Variants in DPYD observed in about 807,000 individuals in gnomAD.
DPYD encodes dihydropyrimidine dehydrogenase [NADP(+)].
A neutral mutation model predicts 116.2 loss-of-function variants in DPYD; 109 were observed. The observed-to-expected ratio is 0.94, with a 90% CI of 0.80 to 1.10. The LOEUF is 1.10. DPYD is among the 50% of genes least tolerant of loss of function. The pLI, the probability that DPYD is intolerant of heterozygous loss-of-function variation, is 0.00. For missense variants in DPYD, 1,302 were observed against 1,254.5 expected, an observed-to-expected ratio of 1.04 and a Z score of -0.57; for synonymous variants, 440 against 432.0, an observed-to-expected ratio of 1.02 and a Z score of -0.23.
intron 1 of DPYD, among the ~76,000 whole-genome samples, chr1:97,917,746 AG>A (rs1271709065): frequency 6.6e-6 from 1 of 152,196 alleles, no homozygotes; most frequent in Non-Finnish European, 1.5e-5. Flanking sequence ...ATATATCAAA[AG>A]TACTAGTATT....
chr1:97,429,742 G>C (rs1333134652), intron 14 of DPYD, among the ~76,000 whole-genome samples: 1 of 152,008 alleles, frequency 6.6e-6, no homozygotes, highest in African/African-American at 2.4e-5. Context: ...AACGAATTTA[G>C]TCATCATTAA....
intron 13 of DPYD, among the ~76,000 whole-genome samples, chr1:97,502,071 C>CT (rs1679616848): frequency 6.6e-6 from 1 of 151,906 alleles, no homozygotes; most frequent in South Asian, 2.1e-4. Context: ...AAGAATGATC[C>CT]TTTATCGCTT....
chr1:97,756,983 C>CA (rs980228842), intron 3 of DPYD, among the ~76,000 whole-genome samples: 12 of 152,122 alleles, frequency 7.9e-5, no homozygotes, highest in Admixed American at 2.6e-4. Context: ...AACTACCCCC[C>CA]ACTCCTCCTA....
chr1:97,552,161 C>T (rs924225212), intron 11 of DPYD, among the ~76,000 whole-genome samples: 2 of 151,984 alleles, frequency 1.3e-5, no homozygotes, highest in African/African-American at 4.8e-5. Context: ...AAGCCCTGCG[C>T]CTAATTTCAA....
intron 16 of DPYD, among the ~76,000 whole-genome samples, chr1:97,369,274 C>A (rs992003191): frequency 3.3e-5 from 5 of 152,076 alleles, no homozygotes; most frequent in Non-Finnish European, 7.4e-5. Flanking sequence ...TGCTAATACA[C>A]CAGAGAAGCA....
At chr1:97,748,526 T>C (rs568558706) in intron 3 of DPYD, among the ~76,000 whole-genome samples, 2 of 152,248 alleles carry the variant, frequency 1.3e-5, no homozygotes, top group East Asian at 3.9e-4. Context: ...GGAGAATCAC[T>C]TGAACCTGGG....
chr1:97,775,224 TAAG>T (rs1218436939), intron 3 of DPYD, among the ~76,000 whole-genome samples: 2 of 152,222 alleles, frequency 1.3e-5, no homozygotes, highest in Non-Finnish European at 2.9e-5. Flanking sequence ...CCTGAATGTC[TAAG>T]AATATATTTA....
At chr1:97,382,052 T>C (rs1052609880) in intron 15 of DPYD, among the ~76,000 whole-genome samples, 10 of 152,134 alleles carry the variant, frequency 6.6e-5, no homozygotes, top group African/African-American at 2.2e-4. Context: ...AAGATCAAGT[T>C]AGACTCTCAA....
intron 1 of DPYD, among the ~76,000 whole-genome samples, chr1:97,892,475 C>T (rs967361349): frequency 7.3e-5 from 11 of 151,690 alleles, no homozygotes; most frequent in Non-Finnish European, 1.5e-4. Context: ...ACTGATACGG[C>T]CCATCTCCTG....
At chr1:97,611,743 T>C (rs1486119473) in intron 8 of DPYD, among the ~76,000 whole-genome samples, 1 of 151,940 alleles carries the variant, frequency 6.6e-6, no homozygotes, top group Non-Finnish European at 1.5e-5. Flanking sequence ...TTACTACAGA[T>C]TTTTTCATCT....
At chr1:97,579,726 G>A (rs1479467208) in intron 10 of DPYD, among the ~76,000 whole-genome samples, 1 of 152,212 alleles carries the variant, frequency 6.6e-6, no homozygotes, top group African/African-American at 2.4e-5. Flanking sequence ...GATGGAGCAT[G>A]TCTTTATGAG....
chr1:97,920,559 C>G (rs1254074915), intron 1 of DPYD, among the ~76,000 whole-genome samples: 1 of 152,138 alleles, frequency 6.6e-6, no homozygotes, highest in African/African-American at 2.4e-5. Context: ...CTAGAGTCCA[C>G]CTCTCTGGAA....
At chr1:97,729,431 T>C (rs1462517761) in intron 4 of DPYD, among the ~76,000 whole-genome samples, 2 of 152,168 alleles carry the variant, frequency 1.3e-5, no homozygotes, top group South Asian at 2.1e-4. Context: ...TACTATACAA[T>C]AGATTCAGTG....
At chr1:97,407,198 C>G (rs1318997229) in intron 14 of DPYD, among the ~76,000 whole-genome samples, 2 of 152,052 alleles carry the variant, frequency 1.3e-5, no homozygotes, top group Admixed American at 1.3e-4. Context: ...AATGAAAACT[C>G]TTAAAATAAT....
At chr1:97,235,119 G>T in intron 18 of DPYD, 125 bp from the exon 19 acceptor site, 2 of 1,097,980 alleles carry the variant, frequency 1.8e-6, no homozygotes, top group Non-Finnish European at 2.7e-6. Flanking sequence ...CTTTATCTCT[G>T]TTTAAGATGT....
intron 15 of DPYD, among the ~76,000 whole-genome samples, chr1:97,375,029 CA>C (rs35693384): frequency 0.012 from 1,405 of 116,042 alleles, 16 homozygotes; most frequent in African/African-American, 0.041. Flanking sequence ...ACTCCAGTTC[CA>C]AAAAAAAAAA....
intron 20 of DPYD, among the ~76,000 whole-genome samples, chr1:97,121,830 C>T (rs1041633130): frequency 6.6e-6 from 1 of 152,070 alleles, no homozygotes; most frequent in African/African-American, 2.4e-5. Flanking sequence ...AGCTATTAGT[C>T]CAGCATGCTG....
chr1:97,593,442 C>T, intron 9 of DPYD, 55 bp from the exon 10 acceptor site: 1 of 1,597,430 alleles, frequency 6.3e-7, no homozygotes, highest in Non-Finnish European at 8.6e-7. Flanking sequence ...TTCTGCATGA[C>T]AGCTCAAAAG....
intron 13 of DPYD, among the ~76,000 whole-genome samples, chr1:97,469,581 T>C (rs2101847866): frequency 6.6e-6 from 1 of 152,112 alleles, no homozygotes; most frequent in Admixed American, 6.6e-5. Flanking sequence ...TACAGAAGAG[T>C]ATGTTGAAAT....
Sources: gnomAD v4.1 joint callset for allele counts (sites outside exome capture counted in the v4.1 genomes callset) on GRCh38, gnomAD v4.1.1 for gene constraint, MANE v1.5 for transcripts, NCBI Gene and HGNC (gene_info 2026-07-23, HGNC 2026-07-21) for gene names.